The following THUMPD2 variants were observed in gnomAD, a reference collection of about 807,000 sequenced individuals.
The protein encoded by THUMPD2 is U6 snRNA (guanine-N(2))-methyltransferase THUMPD2.
In THUMPD2, 56 loss-of-function variants were observed where a neutral mutation model predicts 49.4. That is an observed-to-expected ratio of 1.13 (90% confidence interval 0.91 to 1.41). THUMPD2 has a LOEUF of 1.41. Ranked by LOEUF, THUMPD2 falls within the 40% of genes most tolerant of loss-of-function variation. The pLI is 0.00. For missense variants in THUMPD2, 709 were observed against 594.5 expected, an observed-to-expected ratio of 1.19 and a Z score of -2.00; for synonymous variants, 237 against 205.2, an observed-to-expected ratio of 1.15 and a Z score of -1.32.
intron 1 of THUMPD2, among the ~76,000 whole-genome samples, chr2:39,776,215 A>G (rs753432057): frequency 4.6e-5 from 7 of 152,164 alleles, no homozygotes; most frequent in Non-Finnish European, 8.8e-5. Context: ...AGATATGTAA[A>G]TTAAATATTT....
chr2:39,744,906 T>C (rs1250828331), intron 8 of THUMPD2, among the ~76,000 whole-genome samples: 3 of 152,160 alleles, frequency 2.0e-5, no homozygotes, highest in African/African-American at 7.2e-5. Flanking sequence ...ATAGCTATCA[T>C]TGTATTTTTA....
chr2:39,776,579 C>T lies in THUMPD2; in HGVS notation c.126+2535G>A, dbSNP rs1040195265. Among the ~76,000 whole-genome samples, 12 of 151,896 alleles carry T rather than the reference C, an allele frequency of 7.9e-5. 1 individual carries two copies. Among genetic ancestry groups the T allele is most frequent in the Admixed American group, 2.0e-4 (3 of 15,240 alleles). On this transcript the variant is annotated intron_variant, in intron 1 of 9. Transcript: ENST00000505747. ...TGGATTTTTGTATTTTTAGTAGAGA[C>T]GGGGTTTCACCATGTTGTCCAGGCT...
At position 39,754,844 on chromosome 2, in the gene THUMPD2, G is replaced by A. The variant is rs115128049; in HGVS notation, c.1078+451C>T. Among the ~76,000 whole-genome samples the A allele has an allele frequency of 4.9e-3, 744 of 152,212 alleles. 4 individuals are homozygous for A. The highest frequency in any genetic ancestry group is 0.017 in the African/African-American group (708 of 41,536). ...CTAAAAGTCCTGGTTTAGCAAATTGGGATGGGTGGTTAGCTTACTCCTGTG... is the reference window on the plus strand; with the variant it reads ...CTAAAAGTCCTGGTTTAGCAAATTGAGATGGGTGGTTAGCTTACTCCTGTG... On this transcript the variant is annotated intron_variant, in intron 8 of 9. Transcript: ENST00000505747.
chr2:39,746,584 A>G (rs532347136), intron 8 of THUMPD2, among the ~76,000 whole-genome samples: 1 of 152,338 alleles, frequency 6.6e-6, no homozygotes, highest in African/African-American at 2.4e-5. Context: ...AACATAGCTC[A>G]AAACAAGTAA....
At chr2:39,753,128 A>G (rs1475627164) in intron 8 of THUMPD2, among the ~76,000 whole-genome samples, 3 of 152,140 alleles carry the variant, frequency 2.0e-5, no homozygotes, top group African/African-American at 7.2e-5. Context: ...TTGATCCCCA[A>G]TATCCTTTCT....
At chr2:39,757,376 A>G in intron 6 of THUMPD2, 1 of 1,303,472 alleles carries the variant, frequency 7.7e-7, no homozygotes, top group African/African-American at 1.5e-5. Context: ...TACCTAATGG[A>G]AAGAAACAAA....
rs752956159 is a variant in THUMPD2, at chr2:39,736,714, C to T, written c.*21G>A. The stretch of plus-strand genomic sequence containing the variant: ...CAGCTAACTTACAAGGGCCTGAACC[C>T]GGCTGATGGCAGCAAGCCTGCTACA... On this transcript the variant is annotated 3_prime_UTR_variant, in exon 10 of 10. Coordinates refer to ENST00000505747, the MANE Select transcript of THUMPD2 (RefSeq NM_025264.5). 36 of 1,600,244 alleles carry T rather than the reference C, an allele frequency of 2.2e-5. No individual in the cohort carries two copies. Among genetic ancestry groups the T allele is most frequent in the South Asian group, 3.4e-5 (3 of 89,428 alleles).
Position 39,736,842 on chromosome 2 carries a change from TTCTG to T in THUMPD2, c.1401_1404del (p.Asp467GlufsTer51), listed in dbSNP as rs762469745. On this transcript the variant is annotated frameshift_variant, in exon 10 of 10. Coordinates refer to ENST00000505747, the MANE Select transcript of THUMPD2 (RefSeq NM_025264.5). LOFTEE classifies it low-confidence loss of function (END_TRUNC). ...GGTACCAAGGAGCCAAATGGTGACA[TTCTG>T]TCTAAGAATTTGTGGTTACTGGCTT... 1 of 1,614,226 alleles carries T rather than the reference TTCTG, an allele frequency of 6.2e-7. No individual in the cohort carries two copies. Among genetic ancestry groups the T allele is most frequent in the Non-Finnish European group, 8.5e-7 (1 of 1,180,034 alleles).
At chr2:39,769,413 A>AC (rs1017312091) in intron 3 of THUMPD2, 1 of 291,890 alleles carries the variant, frequency 3.4e-6, no homozygotes, top group Non-Finnish European at 6.3e-6. Context: ...AAAAAATGGG[A>AC]CCCCCAGGCC....
chr2:39,769,235 C>A, intron 3 of THUMPD2: 2 of 421,626 alleles, frequency 4.7e-6, no homozygotes, highest in Middle Eastern at 3.8e-4. Flanking sequence ...ATAAGAAAGT[C>A]ATTACTTGGA....
intron 8 of THUMPD2, among the ~76,000 whole-genome samples, chr2:39,754,366 A>C (rs1319732054): frequency 6.6e-6 from 1 of 152,188 alleles, no homozygotes; most frequent in Non-Finnish European, 1.5e-5. Flanking sequence ...TCAATCAACA[A>C]GACAATTTCT....
chr2:39,752,216 TG>T (rs1202459481), intron 8 of THUMPD2, among the ~76,000 whole-genome samples: 5 of 152,238 alleles, frequency 3.3e-5, no homozygotes, highest in Non-Finnish European at 5.9e-5. Context: ...GTACTCTGTG[TG>T]TTTATGTAAT....
Position 39,761,339 on chromosome 2 carries a change from C to A in THUMPD2, c.883G>T (p.Asp295Tyr). 1 of 1,613,704 alleles carries A rather than the reference C, an allele frequency of 6.2e-7. No homozygotes were observed. The highest frequency in any genetic ancestry group is 8.5e-7 in the Non-Finnish European group (1 of 1,179,718). ...TIAWAMASLA[D>Y]IKAGAFVLDP... is the part of the protein sequence containing the mutation. The stretch of plus-strand genomic sequence containing the variant: ...GAAAACATTTTTCTTACCTTAATGT[C>A]AGCCAGAGATGCCATTGCCCACGCT... Residue 295 changes from aspartate to tyrosine, a missense_variant, in exon 6 of 10, where the codon GAC (aspartate) becomes TAC (tyrosine). By Grantham distance (160) the Asp-to-Tyr change is radical. Coordinates refer to ENST00000505747, the MANE Select transcript of THUMPD2 (RefSeq NM_025264.5).
At position 39,736,417 on chromosome 2, in the gene THUMPD2, T is replaced by G. The variant is rs1673085085; in HGVS notation, c.*318A>C. The G allele has an allele frequency of 9.5e-6, 2 of 211,422 alleles. No homozygotes were observed. The highest frequency in any genetic ancestry group is 2.3e-5 in the African/African-American group (1 of 43,768). 13.1% of individuals were successfully genotyped at this position (211,422 alleles called of 1,614,324 possible). A position where few individuals can be genotyped will look rare whatever the true frequency, so the allele number is the denominator to read the frequency against. ...CGTCTGGTGTTGATTGTGATACACT[T>G]AAGTGAACCCCTGAAAACCTTTATT... is the stretch of plus-strand genomic sequence containing the variant. On this transcript the variant is annotated 3_prime_UTR_variant, in exon 10 of 10. Coordinates refer to ENST00000505747, the MANE Select transcript of THUMPD2 (RefSeq NM_025264.5).
rs1189149176 is a variant in THUMPD2, at chr2:39,755,897, C to A, written c.955G>T (p.Glu319Ter). 2 of 1,613,786 alleles carry A rather than the reference C, an allele frequency of 1.2e-6. No individual in the cohort carries two copies. The highest frequency in any genetic ancestry group is 2.2e-5 in the East Asian group (1 of 44,818). ...CAAACTTTAGAACTTACTGGCCATT[C>A]TTTAGCAGCTTCCAAAAGTATTGTT... ...LGTILLEAAKEWPDVYYVGAD... is the reference protein window; with the variant it reads ...LGTILLEAAK The change falls in exon 7 of 10, where the codon GAA becomes TAA. Residue 319 changes from glutamate (E) to a stop codon, truncating the protein, a stop_gained. Transcript: ENST00000505747. LOFTEE classifies it high-confidence loss of function.
At chr2:39,748,480 A>T (rs1184364498) in intron 8 of THUMPD2, among the ~76,000 whole-genome samples, 1 of 152,108 alleles carries the variant, frequency 6.6e-6, no homozygotes, top group Non-Finnish European at 1.5e-5. Flanking sequence ...AGGCAGGTGG[A>T]TCATGAGGTC....
chr2:39,777,989 C>CA (rs1438261018), intron 1 of THUMPD2, among the ~76,000 whole-genome samples: 1 of 152,102 alleles, frequency 6.6e-6, no homozygotes. Context: ...TATAGTGGGC[C>CA]TGGTTTGAAC....
At chr2:39,750,827 TA>T (rs1675306264) in intron 8 of THUMPD2, among the ~76,000 whole-genome samples, 1 of 152,248 alleles carries the variant, frequency 6.6e-6, no homozygotes, top group African/African-American at 2.4e-5. Flanking sequence ...AGTAGGATTG[TA>T]AATATCAACA....
intron 8 of THUMPD2, among the ~76,000 whole-genome samples, chr2:39,748,007 AT>A (rs1294764720): frequency 1.3e-5 from 2 of 152,212 alleles, no homozygotes; most frequent in African/African-American, 4.8e-5. Flanking sequence ...GAATTTCATA[AT>A]TAAGTCTTGT....
Sources: allele counts gnomAD v4.1 joint callset (sites outside exome capture counted in the v4.1 genomes callset), GRCh38; gene constraint gnomAD v4.1.1; transcripts MANE v1.5; gene names NCBI Gene and HGNC (gene_info 2026-07-23, HGNC 2026-07-21).